Variants in DDX25 observed in about 807,000 individuals in gnomAD.
DDX25 encodes the protein ATP-dependent RNA helicase DDX25.
Under a neutral mutation model 64.6 loss-of-function variants are expected in DDX25, and 70 were observed. The observed-to-expected ratio is 1.08, with a 90% CI of 0.89 to 1.32. The LOEUF (loss-of-function observed/expected upper bound fraction) is 1.32, where lower values mean the gene tolerates loss of function less well. DDX25 is among the 40% of genes most tolerant of loss of function. The pLI, the probability that DDX25 is intolerant of heterozygous loss-of-function variation, is 0.00. For missense variants in DDX25, 587 were observed against 604.4 expected (o/e 0.97, Z 0.30); for synonymous variants, 211 against 213.3 (o/e 0.99, Z 0.09).
At position 125,904,537 on chromosome 11, in the gene DDX25, G is replaced by C. The variant is rs1944848349; in HGVS notation, c.20G>C (p.Gly7Ala). 1 of 1,500,848 alleles carries C rather than the reference G, an allele frequency of 6.7e-7. No individual in the cohort carries two copies. Among genetic ancestry groups the C allele is most frequent in the Non-Finnish European group, 8.9e-7 (1 of 1,125,786 alleles). 93.0% of individuals were successfully genotyped at this position (1,500,848 alleles called of 1,614,324 possible). A position where few individuals can be genotyped will look rare whatever the true frequency, so the allele number is the denominator to read the frequency against. The change falls in exon 1 of 12, where the codon GGA (glycine) becomes GCA (alanine). Residue 7 changes from glycine (G) to alanine (A), a missense_variant. Gly to Ala is a moderately conservative substitution (Grantham distance 60). Transcript: ENST00000263576. Reference protein sequence around the residue: MASLLWGGDAGAAESER... With the variant: MASLLWAGDAGAAESER... The stretch of plus-strand genomic sequence containing the variant: ...GCAGCCATGGCGTCGTTACTGTGGG[G>C]AGGCGACGCAGGGGCGGCGGAGAGC...
In DDX25 at chr11:125,923,133, A is replaced by C; in HGVS notation, c.*252A>C. 1 of 445,484 alleles carries C rather than the reference A, an allele frequency of 2.2e-6. No homozygotes were observed. The highest frequency in any genetic ancestry group is 4.0e-6 in the Non-Finnish European group (1 of 248,004). The allele number at this position is 445,484 out of a possible 1,614,324, so 27.6% of individuals were successfully genotyped here. A position where few individuals can be genotyped will look rare whatever the true frequency, so the allele number is the denominator to read the frequency against. ...TAATCTTTGTACAGGTAATGTCTCA[A>C]TGTGGGCTATGGGGGTGTTTTTGGA... On this transcript the variant is annotated 3_prime_UTR_variant, in exon 12 of 12. Transcript: ENST00000263576.
In DDX25 at chr11:125,906,188, A is replaced by T; in HGVS notation, c.290A>T (p.Lys97Met). The change falls in exon 4 of 12, where the codon AAG (lysine) becomes ATG (methionine). Residue 97 changes from lysine (K) to methionine (M), a missense_variant. By Grantham distance (95) the Lys-to-Met change is moderately conservative. Transcript: ENST00000263576. ...CCCAGCTCTCCACTTTACTCAGTAA[A>T]GACATTTGAAGAGCTGCGGCTGTGA... ...KDPSSPLYSV[K>M]TFEELRLKEE... 2 of 1,539,534 alleles carry T rather than the reference A, an allele frequency of 1.3e-6. No individual in the cohort carries two copies. The highest frequency in any genetic ancestry group is 1.7e-6 in the Non-Finnish European group (2 of 1,143,932).
chr11:125,916,784 A>G (rs373761765), intron 8 of DDX25, among the ~76,000 whole-genome samples: 17 of 152,190 alleles, frequency 1.1e-4, no homozygotes, highest in Admixed American at 1.1e-3. Flanking sequence ...TCCAGAATAT[A>G]TACCTAAACT....
chr11:125,913,127 C>T (rs113587160), intron 8 of DDX25, among the ~76,000 whole-genome samples: 2,662 of 146,844 alleles, frequency 0.018, 91 homozygotes, highest in African/African-American at 0.063. Flanking sequence ...CACTGCACTA[C>T]AGCCTGGGTG....
chr11:125,909,416 T>C (rs1944936482), intron 6 of DDX25, among the ~76,000 whole-genome samples: 1 of 152,226 alleles, frequency 6.6e-6, no homozygotes, highest in African/African-American at 2.4e-5. Context: ...TATGTTTCCC[T>C]ATCACAGATT....
At chr11:125,905,971 G>A (rs779227492) in intron 3 of DDX25, 103 bp from the exon 4 acceptor site, 23 of 1,369,960 alleles carry the variant, frequency 1.7e-5, no homozygotes, top group South Asian at 3.1e-5. Flanking sequence ...AAAAATGAGC[G>A]TAGGTGCAAT....
chr11:125,904,464 G>A, upstream of DDX25: 1 of 1,441,640 alleles, frequency 6.9e-7, no homozygotes. Context: ...GGCCAGCACC[G>A]CCTCGCGCCG....
chr11:125,905,391 C>A, intron 2 of DDX25, 113 bp downstream of exon 2: 1 of 1,350,574 alleles, frequency 7.4e-7, no homozygotes, highest in Non-Finnish European at 1.0e-6. Context: ...TGACATTCAG[C>A]ACTCTCCATT....
intron 11 of DDX25, 149 bp from the exon 12 acceptor site, chr11:125,922,671 T>C (rs1945129475): frequency 1.0e-5 from 6 of 595,724 alleles, no homozygotes; most frequent in East Asian, 5.7e-5. Flanking sequence ...TGAGTTAGTA[T>C]TGGTCAGTGA....
At chr11:125,920,782 G>A (rs1317028045) in intron 10 of DDX25, among the ~76,000 whole-genome samples, 4 of 152,104 alleles carry the variant, frequency 2.6e-5, no homozygotes, top group African/African-American at 4.8e-5. Flanking sequence ...GCCATGAAAC[G>A]GAGCAGAGCC....
At chr11:125,907,545 T>C (rs1446442132) in intron 4 of DDX25, among the ~76,000 whole-genome samples, 2 of 151,992 alleles carry the variant, frequency 1.3e-5, no homozygotes, top group African/African-American at 4.8e-5. Context: ...GAGGTGGAGC[T>C]TGCAGTGAGC....
At chr11:125,922,793 T>C in intron 11 of DDX25, 27 bp from the exon 12 acceptor site, 1 of 1,587,760 alleles carries the variant, frequency 6.3e-7, no homozygotes, top group Non-Finnish European at 8.6e-7. Flanking sequence ...GACATGAGAC[T>C]AGTTCTGTTC....
In DDX25 at chr11:125,925,091, A is replaced by G. The variant is rs3851107; in HGVS notation, c.*2210A>G. On this transcript the variant is annotated 3_prime_UTR_variant, in exon 12 of 12. Transcript: ENST00000263576. ...ACCCCAATTACATGGCACAGGATGA[A>G]TGAGCATGAGAAGTGTATCCAGATA... 41,296 of 165,326 alleles carry G rather than the reference A, an allele frequency of 0.25. 5,458 individuals carry two copies. Among genetic ancestry groups the G allele is most frequent in the African/African-American group, 0.32 (13,381 of 41,834 alleles). The allele number at this position is 165,326 out of a possible 1,614,324, so 10.2% of individuals were successfully genotyped here. A position where few individuals can be genotyped will look rare whatever the true frequency, so the allele number is the denominator to read the frequency against.
At chr11:125,904,488 G>C (rs1274547686), upstream of DDX25, 15 of 1,469,894 alleles carry the variant, frequency 1.0e-5, no homozygotes, top group Non-Finnish European at 1.4e-5. Flanking sequence ...GTGGAAGCAC[G>C]TGCTGGGGGC....
At chr11:125,918,864 C>G in intron 10 of DDX25, 74 bp downstream of exon 10, 1 of 1,447,428 alleles carries the variant, frequency 6.9e-7, no homozygotes, top group Non-Finnish European at 9.2e-7. Context: ...TGTACAGTTT[C>G]GCGAGTTTCG....
intron 6 of DDX25, among the ~76,000 whole-genome samples, chr11:125,909,463 T>C (rs1294974954): frequency 6.6e-6 from 1 of 152,070 alleles, no homozygotes; most frequent in Non-Finnish European, 1.5e-5. Flanking sequence ...GATATTACCG[T>C]TTTTTTCCAT....
intron 8 of DDX25, among the ~76,000 whole-genome samples, chr11:125,914,817 A>C (rs1442796257): frequency 3.3e-5 from 5 of 152,130 alleles, no homozygotes; most frequent in Non-Finnish European, 5.9e-5. Flanking sequence ...GCTTACTGCA[A>C]CCTTTGCCTC....
At chr11:125,918,454 C>T (rs754304547) in intron 9 of DDX25, among the ~76,000 whole-genome samples, 174 bp from the exon 10 acceptor site, 16 of 152,206 alleles carry the variant, frequency 1.1e-4, no homozygotes, top group Middle Eastern at 3.4e-3. Flanking sequence ...GAAACACAGG[C>T]GGAGGGAGGA....
Position 125,921,598 on chromosome 11 carries a change from A to T in DDX25, c.1390+219A>T. The T allele has an allele frequency of 1.8e-6, 1 of 541,750 alleles. No homozygotes were observed. Among genetic ancestry groups the T allele is most frequent in the Non-Finnish European group, 3.1e-6 (1 of 319,820 alleles). 33.6% of individuals were successfully genotyped at this position (541,750 alleles called of 1,614,324 possible). On this transcript the variant is annotated intron_variant, in intron 11 of 11. Coordinates refer to ENST00000263576, the MANE Select transcript of DDX25 (RefSeq NM_013264.5). This position sits in a 1 kb window ranked among gnomAD's most constrained non-coding sequence, Gnocchi z 4.1. ...AAATTATTTTGATCAAGCAGAATTA[A>T]TATGAGCTCAGGCCGGGTGTGGCAG... is the stretch of plus-strand genomic sequence containing the variant.
Sources: gnomAD v4.1 joint callset for allele counts (sites outside exome capture counted in the v4.1 genomes callset) on GRCh38, gnomAD v4.1.1 for gene constraint, Gnocchi (gnomAD v3.1) non-coding constraint, MANE v1.5 for transcripts, NCBI Gene and HGNC (gene_info 2026-07-23, HGNC 2026-07-21) for gene names.